PRUNE2: variants seen among roughly 807,000 people sequenced by gnomAD.
The protein encoded by PRUNE2 is protein prune homolog 2.
Under a neutral mutation model 252.0 loss-of-function variants are expected in PRUNE2, and 164 were observed. The ratio of observed to expected loss-of-function variants is 0.65; its 90% confidence interval spans 0.57 to 0.74. The LOEUF is 0.74. Ranked by LOEUF, PRUNE2 falls within the 30% of genes least tolerant of loss-of-function variation. The pLI is 0.00. For missense variants in PRUNE2, 3,495 were observed against 3,711.0 expected, an observed-to-expected ratio of 0.94 and a Z score of 1.51; for synonymous variants, 1,292 against 1,350.2, an observed-to-expected ratio of 0.96 and a Z score of 0.94.
intron 6 of PRUNE2, among the ~76,000 whole-genome samples, chr9:76,795,823 C>T (rs1482099251): frequency 6.6e-6 from 1 of 152,144 alleles, no homozygotes; most frequent in African/African-American, 2.4e-5. Context: ...AAAAATCACA[C>T]ATAACTTTTT....
At position 76,713,712 on chromosome 9, in the gene PRUNE2, A is replaced by T; in HGVS notation, c.766T>A (p.Phe256Ile). Residue 256 changes from phenylalanine (F) to isoleucine (I), a missense_variant, in exon 7 of 19, where the codon TTT becomes ATT. Physicochemically the swap from Phe to Ile is conservative, Grantham distance 21 (BLOSUM62 0). Transcript: ENST00000376718. ...TVSMNLENCLFHSNITSDLKA... is the reference protein window; with the variant it reads ...TVSMNLENCLIHSNITSDLKA... Reference sequence around the variant, plus strand: ...AAGTCACTGGTAATATTGCTGTGAAATAGACAATTCTGAAACGACAACAGG... The same window carrying T: ...AAGTCACTGGTAATATTGCTGTGAATTAGACAATTCTGAAACGACAACAGG... 4 of 1,593,544 alleles carry T rather than the reference A, an allele frequency of 2.5e-6. No homozygotes were observed. The highest frequency in any genetic ancestry group is 3.4e-6 in the Non-Finnish European group (4 of 1,169,456).
chr9:76,754,964 C>CA (rs11292120), intron 6 of PRUNE2, among the ~76,000 whole-genome samples: 20,655 of 65,350 alleles, frequency 0.32, 3,335 homozygotes, highest in Non-Finnish European at 0.45. Flanking sequence ...GACTCGGTCT[C>CA]AAAAAAAAAA....
At chr9:76,760,713 A>T (rs1252051526) in intron 6 of PRUNE2, among the ~76,000 whole-genome samples, 1 of 151,940 alleles carries the variant, frequency 6.6e-6, no homozygotes, top group Non-Finnish European at 1.5e-5. Context: ...TTCTAGACTC[A>T]CTCTACTTCA....
chr9:76,753,653 T>C (rs1356834154), intron 6 of PRUNE2, among the ~76,000 whole-genome samples: 1 of 152,060 alleles, frequency 6.6e-6, no homozygotes, highest in African/African-American at 2.4e-5. Context: ...TTTTCAAAGT[T>C]GCCTAAGTGC....
intron 12 of PRUNE2, among the ~76,000 whole-genome samples, chr9:76,640,818 A>C (rs140962250): frequency 6.6e-6 from 1 of 152,374 alleles, no homozygotes; most frequent in Admixed American, 6.5e-5. Flanking sequence ...CGTTCATTAA[A>C]AGAGACAACA....
At chr9:76,897,344 A>C (rs55845547) in intron 1 of PRUNE2, among the ~76,000 whole-genome samples, 14,603 of 146,484 alleles carry the variant, frequency 0.1, 992 homozygotes, top group South Asian at 0.22. Context: ...ATCCGGAAGC[A>C]AACTCCAGCT....
Position 76,638,257 on chromosome 9 carries a change from A to G in PRUNE2, c.8760T>C (p.Ile2920=). ...CTGGCAGAAAACAGGCGGCAAACACAATGATGGCATTTAGACCGTCCCCAT... is the reference window on the plus strand; with the variant it reads ...CTGGCAGAAAACAGGCGGCAAACACGATGATGGCATTTAGACCGTCCCCAT... ...GYYGDGLNAI[I]VFAACFLPDS... The change falls in exon 13 of 19, where the codon ATT becomes ATC. Residue 2920 remains isoleucine (I), a synonymous_variant. Coordinates refer to ENST00000376718, the MANE Select transcript of PRUNE2 (RefSeq NM_015225.3). The G allele has an allele frequency of 5.6e-6, 9 of 1,613,812 alleles. No individual in the cohort carries two copies. The highest frequency in any genetic ancestry group is 7.6e-6 in the Non-Finnish European group (9 of 1,179,768).
chr9:76,722,154 G>A (rs923239429), intron 6 of PRUNE2, among the ~76,000 whole-genome samples: 1 of 151,676 alleles, frequency 6.6e-6, no homozygotes, highest in Non-Finnish European at 1.5e-5. Context: ...TACCTCCCAG[G>A]TTCAAACAAT....
intron 6 of PRUNE2, among the ~76,000 whole-genome samples, chr9:76,716,512 C>G (rs1180034721): frequency 6.6e-6 from 1 of 152,240 alleles, no homozygotes; most frequent in East Asian, 1.9e-4. Flanking sequence ...ACACTGCCAG[C>G]TCTTTGTTCC....
intron 15 of PRUNE2, among the ~76,000 whole-genome samples, chr9:76,630,804 G>A (rs540114436): frequency 6.6e-6 from 1 of 152,354 alleles, no homozygotes; most frequent in East Asian, 1.9e-4. Context: ...GGGATTACAG[G>A]CGTAAGCCTC....
intron 6 of PRUNE2, among the ~76,000 whole-genome samples, chr9:76,744,229 CT>C (rs1564197600): frequency 6.6e-6 from 1 of 152,220 alleles, no homozygotes; most frequent in African/African-American, 2.4e-5. Flanking sequence ...TTGGCAAATA[CT>C]CTTGTAAGAT....
intron 6 of PRUNE2, among the ~76,000 whole-genome samples, chr9:76,762,630 A>G (rs2051852637): frequency 6.6e-6 from 1 of 152,116 alleles, no homozygotes; most frequent in Non-Finnish European, 1.5e-5. Flanking sequence ...TTCTTTTTAC[A>G]TGTTCAAAAT....
At chr9:76,678,440 A>T (rs147391112) in intron 9 of PRUNE2, among the ~76,000 whole-genome samples, 1,876 of 152,120 alleles carry the variant, frequency 0.012, 40 homozygotes, top group African/African-American at 0.041. Flanking sequence ...AGAAAAAATG[A>T]AAAGAAGAAA....
At chr9:76,822,403 A>G (rs1167661665) in intron 6 of PRUNE2, among the ~76,000 whole-genome samples, 1 of 152,234 alleles carries the variant, frequency 6.6e-6, no homozygotes, top group African/African-American at 2.4e-5. Flanking sequence ...AAAGATCACG[A>G]AAAGAAAGCA....
intron 6 of PRUNE2, among the ~76,000 whole-genome samples, chr9:76,720,549 AG>A (rs1382895689): frequency 1.3e-5 from 2 of 152,240 alleles, no homozygotes; most frequent in African/African-American, 4.8e-5. Context: ...AGACTGGTCA[AG>A]TGCCTGACAT....
chr9:76,776,974 C>T (rs937374486), intron 6 of PRUNE2, among the ~76,000 whole-genome samples: 2 of 149,704 alleles, frequency 1.3e-5, no homozygotes, highest in African/African-American at 4.9e-5. Context: ...TTCCACTCAG[C>T]GGAGATTCTC....
At chr9:76,680,295 A>G (rs2043282211) in intron 9 of PRUNE2, among the ~76,000 whole-genome samples, 1 of 152,194 alleles carries the variant, frequency 6.6e-6, no homozygotes, top group Non-Finnish European at 1.5e-5. Flanking sequence ...GCAAATCAAA[A>G]CTACAATGAT....
At chr9:76,696,442 TTTTG>T (rs749707206) in intron 9 of PRUNE2, among the ~76,000 whole-genome samples, 13 of 152,154 alleles carry the variant, frequency 8.5e-5, no homozygotes, top group African/African-American at 2.2e-4. Context: ...CCACTAGGTT[TTTTG>T]TTTGTTTGTT....
In PRUNE2 at chr9:76,905,814, G is replaced by T. The variant is rs561693077; in HGVS notation, c.36+114C>A. The T allele has an allele frequency of 7.9e-6, 11 of 1,384,074 alleles. No homozygotes were observed. The East Asian group carries it at 2.1e-4, about 26-fold the overall frequency. 85.7% of individuals were successfully genotyped at this position (1,384,074 alleles called of 1,614,324 possible). On this transcript the variant is annotated intron_variant, in intron 1 of 18. Coordinates refer to ENST00000376718, the MANE Select transcript of PRUNE2 (RefSeq NM_015225.3). ...TTCCAGGAGACAACCCGCACACCCTGATAACTCCGTGGCAAAGTTGTTTCT... is the reference window on the plus strand; with the variant it reads ...TTCCAGGAGACAACCCGCACACCCTTATAACTCCGTGGCAAAGTTGTTTCT...
Sources: gnomAD v4.1 joint callset for allele counts (sites outside exome capture counted in the v4.1 genomes callset) on GRCh38, gnomAD v4.1.1 for gene constraint, MANE v1.5 for transcripts, NCBI Gene and HGNC (gene_info 2026-07-23, HGNC 2026-07-21) for gene names.